DUOX1: variants seen among roughly 807,000 people sequenced by gnomAD.
DUOX1 encodes NADPH thyroid oxidase 1.
A neutral mutation model predicts 181.8 loss-of-function variants in DUOX1; 134 were observed. That is an observed-to-expected ratio of 0.74 (90% CI 0.64 to 0.85). The LOEUF (loss-of-function observed/expected upper bound fraction) is 0.85, where lower values mean the gene tolerates loss of function less well. DUOX1 is among the 40% of genes least tolerant of loss of function. DUOX1 has a pLI of 0.00. For missense variants in DUOX1, 1,814 were observed against 2,064.4 expected, an observed-to-expected ratio of 0.88 and a Z score of 2.35; for synonymous variants, 798 against 832.5, an observed-to-expected ratio of 0.96 and a Z score of 0.71.
At chr15:45,163,273 C>A (rs558652390) in intron 31 of DUOX1, among the ~76,000 whole-genome samples, 1 of 152,172 alleles carries the variant, frequency 6.6e-6, no homozygotes, top group African/African-American at 2.4e-5. Flanking sequence ...CTTCCCACCC[C>A]ACAGACCATC....
At chr15:45,148,186 G>T in intron 20 of DUOX1, 86 bp from the exon 21 acceptor site, 3 of 1,590,902 alleles carry the variant, frequency 1.9e-6, no homozygotes, top group South Asian at 1.1e-5. Context: ...TGGGCACAGA[G>T]AACTTGGTGC....
chr15:45,142,196 C>A, intron 15 of DUOX1, 84 bp downstream of exon 15: 3 of 1,439,564 alleles, frequency 2.1e-6, no homozygotes, highest in South Asian at 2.6e-5. Flanking sequence ...GACAACAAAC[C>A]ACGCAAACCA....
Position 45,142,042 on chromosome 15 carries a change from T to C in DUOX1, c.1752T>C (p.Val584=). 1 of 1,614,010 alleles carries C rather than the reference T, an allele frequency of 6.2e-7. No individual in the cohort carries two copies. Among genetic ancestry groups the C allele is most frequent in the Non-Finnish European group, 8.5e-7 (1 of 1,180,014 alleles). Residue 584 remains valine (V), a synonymous_variant, in exon 15 of 34, where the codon GTT becomes GTC. Transcript: ENST00000389037. ...EGLPACAPSV[V]RDYFEGSGFG... ...TGCCAGCGTGTGCTCCCTCTGTTGTTCGTGACTATTTTGAGGGCAGTGGAT... is the reference window on the plus strand; with the variant it reads ...TGCCAGCGTGTGCTCCCTCTGTTGTCCGTGACTATTTTGAGGGCAGTGGAT...
At chr15:45,137,717 T>C (rs1373047758) in intron 9 of DUOX1, among the ~76,000 whole-genome samples, 1 of 152,052 alleles carries the variant, frequency 6.6e-6, no homozygotes, top group Non-Finnish European at 1.5e-5. Context: ...TAATGAGCTA[T>C]GAGTACATTT....
intron 14 of DUOX1, 128 bp downstream of exon 14, chr15:45,141,538 GC>G: frequency 9.2e-7 from 1 of 1,082,188 alleles, no homozygotes; most frequent in East Asian, 2.4e-5. Context: ...CTGTGGTTCT[GC>G]CCTTGGGAAC....
chr15:45,141,751 CGTGT>C (rs5812287), intron 14 of DUOX1, among the ~76,000 whole-genome samples: 66,848 of 148,376 alleles, frequency 0.45, 15,261 homozygotes, highest in Non-Finnish European at 0.53. Flanking sequence ...GTGAGGGAAG[CGTGT>C]GTGTGTGTGT....
chr15:45,161,857 G>T lies in DUOX1; in HGVS notation c.3976G>T (p.Ala1326Ser). The change falls in exon 30 of 34, where the codon GCG (alanine) becomes TCG (serine). Residue 1326 changes from alanine (A) to serine (S), a missense_variant. Ala to Ser is a moderately conservative substitution (Grantham distance 99). This residue lies in a region of DUOX1 where 279 missense variants were observed against 381.9 expected (regional missense o/e 0.73). Coordinates refer to ENST00000389037, the MANE Select transcript of DUOX1 (RefSeq NM_175940.3). The part of the protein sequence containing the change: ...TEYHPFTLTS[A>S]PHEDTLSLHI... ...GTACCACCCCTTCACACTGACCTCT[G>T]CGCCCCATGAGGACACGCTTAGCCT... The T allele has an allele frequency of 6.2e-7, 1 of 1,613,804 alleles. No homozygotes were observed.
At chr15:45,164,023 C>G (rs1706813) in intron 33 of DUOX1, 105 bp downstream of exon 33, 762,369 of 1,497,028 alleles carry the variant, frequency 0.51, 206,035 homozygotes, top group Non-Finnish European at 0.57. Flanking sequence ...CTGATGAGAA[C>G]CCATCCCCTG....
Position 45,137,963 on chromosome 15 carries a change from C to T in DUOX1, c.1062C>T (p.Asn354=). 3 of 1,610,930 alleles carry T rather than the reference C, an allele frequency of 1.9e-6. No individual in the cohort carries two copies. The highest frequency in any genetic ancestry group is 2.5e-6 in the Non-Finnish European group (3 of 1,178,216). ...ACTTCCAGGGGGTCATCAATCGGAA[C>T]TCAAGTGTCTCCAGAGCTCTCCGGG... ...SCHFQGVINR[N]SSVSRALRVC... is the part of the protein sequence containing the mutation. The change falls in exon 10 of 34, where the codon AAC becomes AAT. Residue 354 remains asparagine, a synonymous_variant. Transcript: ENST00000389037.
Position 45,152,057 on chromosome 15 carries a change from G to C in DUOX1, c.3193+5G>C. On this transcript the variant is annotated splice_donor_5th_base_variant and intron_variant, in intron 24 of 33. Coordinates refer to ENST00000389037, the MANE Select transcript of DUOX1 (RefSeq NM_175940.3). ...TTTTCCTGGAGAGGGCCTACTGTGA[G>C]TGACTTTACTTACCACGAGCCCTGT... 6.2e-7 allele frequency: 1 copy of C among 1,612,722 alleles called. No individual in the cohort carries two copies. The highest frequency in any genetic ancestry group is 8.5e-7 in the Non-Finnish European group (1 of 1,179,040).
Position 45,152,062 on chromosome 15 carries a change from T to C in DUOX1, c.3193+10T>C. The stretch of plus-strand genomic sequence containing the variant: ...CTGGAGAGGGCCTACTGTGAGTGAC[T>C]TTACTTACCACGAGCCCTGTCCCTA... On this transcript the variant is annotated intron_variant, in intron 24 of 33. Transcript: ENST00000389037. 2 of 1,612,170 alleles carry C rather than the reference T, an allele frequency of 1.2e-6. No individual in the cohort carries two copies. Among genetic ancestry groups the C allele is most frequent in the Admixed American group, 1.7e-5 (1 of 59,886 alleles).
rs1229277794 is a variant in DUOX1 at position 45,162,392 on chromosome 15, C to T, written c.4248+15C>T. On this transcript the variant is annotated intron_variant, in intron 31 of 33. Transcript: ENST00000389037. ...TCTGTAAGAAGGTGAGTACTGCCCCCACTTCCCACCAACCCATGGCCCCTT... is the reference window on the plus strand; with the variant it reads ...TCTGTAAGAAGGTGAGTACTGCCCCTACTTCCCACCAACCCATGGCCCCTT... 5 of 1,609,076 alleles carry T rather than the reference C, an allele frequency of 3.1e-6. No homozygotes were observed. The highest frequency in any genetic ancestry group is 3.4e-5 in the Admixed American group (2 of 59,582).
chr15:45,141,879 C>G, intron 14 of DUOX1, 96 bp from the exon 15 acceptor site: 8 of 1,408,558 alleles, frequency 5.7e-6, no homozygotes, highest in South Asian at 1.4e-5. Flanking sequence ...ACCCAGAGTG[C>G]CCCCACCCCC....
intron 17 of DUOX1, 36 bp from the exon 18 acceptor site, chr15:45,144,858 TG>T (rs2141272637): frequency 6.4e-7 from 1 of 1,569,502 alleles, no homozygotes; most frequent in East Asian, 2.2e-5. Context: ...CAAGAGGCCT[TG>T]GCAAATGGTT....
At chr15:45,143,931 G>C in intron 16 of DUOX1, 105 bp from the exon 17 acceptor site, 2 of 1,101,918 alleles carry the variant, frequency 1.8e-6, no homozygotes, top group Non-Finnish European at 2.7e-6. Context: ...AGGGGACAAT[G>C]AACTGTGGAG....
intron 1 of DUOX1, among the ~76,000 whole-genome samples, chr15:45,131,152 A>G (rs911808981): frequency 3.9e-5 from 6 of 152,172 alleles, no homozygotes; most frequent in Admixed American, 3.9e-4. Context: ...CCCAATCTCC[A>G]GGTTGCCTTC....
intron 23 of DUOX1, 81 bp from the exon 24 acceptor site, chr15:45,151,793 C>T (rs983815734): frequency 2.8e-6 from 4 of 1,430,048 alleles, no homozygotes; most frequent in Non-Finnish European, 3.8e-6. Context: ...CACTTCTGGG[C>T]GGCTCACCTC....
rs192349493 is a variant in DUOX1 at position 45,162,877 on chromosome 15, C to T, written c.4248+500C>T. Reference sequence around the variant, plus strand: ...CAGCTCAAACCCTCAGGCCCTCACACGGGTCCTTTCACACCAGCCTGGACC... The same window carrying T: ...CAGCTCAAACCCTCAGGCCCTCACATGGGTCCTTTCACACCAGCCTGGACC... On this transcript the variant is annotated intron_variant, in intron 31 of 33. Coordinates refer to ENST00000389037, the MANE Select transcript of DUOX1 (RefSeq NM_175940.3). 4.3e-3 allele frequency among the ~76,000 whole-genome samples: 650 copies of T among 149,460 alleles called. 1 individual carries two copies. The highest frequency in any genetic ancestry group is 7.2e-3 in the Non-Finnish European group (488 of 67,414).
At position 45,153,351 on chromosome 15, in the gene DUOX1, A is replaced by C. The variant is rs189344474; in HGVS notation, c.3425-29A>C. 1.1e-4 allele frequency: 170 copies of C among 1,605,466 alleles called. No individual in the cohort carries two copies. The African/African-American group carries it at 1.9e-3, about 18-fold the overall frequency. ...TGAGCACCCACCCTGGGCTGCCCCA[A>C]GCTCACCACTTGGTCTGCTCTTCCT... On this transcript the variant is annotated intron_variant, in intron 25 of 33. Transcript: ENST00000389037.
Sources: allele counts gnomAD v4.1 joint callset (sites outside exome capture counted in the v4.1 genomes callset), GRCh38; gene constraint gnomAD v4.1.1; regional missense constraint gnomAD v4.1.1; transcripts MANE v1.5; gene names NCBI Gene and HGNC (gene_info 2026-07-23, HGNC 2026-07-21).